MYH10: variants seen among roughly 807,000 people sequenced by gnomAD.
The protein encoded by MYH10 is myosin-10.
A neutral mutation model predicts 257.8 loss-of-function variants in MYH10; 55 were observed. The ratio of observed to expected loss-of-function variants is 0.21; its 90% confidence interval spans 0.17 to 0.27. The LOEUF (loss-of-function observed/expected upper bound fraction) is 0.27, where lower values mean the gene tolerates loss of function less well. Ranked by LOEUF, MYH10 falls within the 10% of genes least tolerant of loss-of-function variation. The pLI, the probability that MYH10 is intolerant of heterozygous loss-of-function variation, is 1.00. For synonymous variants in MYH10, 854 were observed against 921.7 expected (o/e 0.93, Z 1.33); for missense variants, 1,631 against 2,500.6 (o/e 0.65, Z 7.42).
intron 13 of MYH10, among the ~76,000 whole-genome samples, chr17:8,542,859 T>C (rs2082328476): frequency 6.6e-6 from 1 of 152,186 alleles, no homozygotes; most frequent in South Asian, 2.1e-4. Flanking sequence ...ATGCGCTTAG[T>C]ATGAGACTCT....
At chr17:8,614,777 C>G (rs771357529) in intron 2 of MYH10, among the ~76,000 whole-genome samples, 2 of 151,932 alleles carry the variant, frequency 1.3e-5, no homozygotes, top group Non-Finnish European at 2.9e-5. Context: ...TATAGAGGAC[C>G]AACAAAGTCA....
At position 8,499,445 on chromosome 17, in the gene MYH10, C is replaced by A; in HGVS notation, c.3776G>T (p.Gly1259Val). 6.2e-7 allele frequency: 1 copy of A among 1,614,120 alleles called. No individual in the cohort carries two copies. The highest frequency in any genetic ancestry group is 8.5e-7 in the Non-Finnish European group (1 of 1,180,026). Residue 1259 changes from glycine (G) to valine (V), a missense_variant, in exon 30 of 43, where the codon GGC becomes GTC. By Grantham distance (109) the Gly-to-Val change is moderately radical. This residue lies in a region of MYH10 where 463 missense variants were observed against 621.8 expected (regional missense o/e 0.74). Transcript: ENST00000360416. Reference sequence around the variant, plus strand: ...CAGCTCCTTGTTATCTGTCTCCAGGCCCTGCTTGTTCTTCTCTAGATTTGC... The same window carrying A: ...CAGCTCCTTGTTATCTGTCTCCAGGACCTGCTTGTTCTTCTCTAGATTTGC... ...FKANLEKNKQGLETDNKELAC... is the reference protein window; with the variant it reads ...FKANLEKNKQVLETDNKELAC...
intron 38 of MYH10, 24 bp downstream of exon 38, chr17:8,481,298 C>T: frequency 1.2e-6 from 2 of 1,611,382 alleles, no homozygotes; most frequent in South Asian, 1.1e-5. Flanking sequence ...GCGAAGAACC[C>T]ACCCCCGGCC....
chr17:8,611,264 G>C (rs571140183), intron 2 of MYH10, among the ~76,000 whole-genome samples: 1 of 152,160 alleles, frequency 6.6e-6, no homozygotes, highest in Non-Finnish European at 1.5e-5. Context: ...CTCCTGCATG[G>C]ACTACATGTC....
intron 6 of MYH10, among the ~76,000 whole-genome samples, chr17:8,571,744 CGA>C (rs2083350536): frequency 6.6e-6 from 1 of 151,774 alleles, no homozygotes; most frequent in Non-Finnish European, 1.5e-5. Flanking sequence ...GGAGAAAGAG[CGA>C]GAGACTCATC....
chr17:8,477,128 G>A lies in MYH10; in HGVS notation c.5707-80C>T. 1 of 1,520,570 alleles carries A rather than the reference G, an allele frequency of 6.6e-7. No homozygotes were observed. The highest frequency in any genetic ancestry group is 9.0e-7 in the Non-Finnish European group (1 of 1,111,516). The allele number at this position is 1,520,570 out of a possible 1,614,324, so 94.2% of individuals were successfully genotyped here. On this transcript the variant is annotated intron_variant, in intron 41 of 42. Transcript: ENST00000360416. This position sits in a 1 kb window ranked among gnomAD's most constrained non-coding sequence, Gnocchi z 4.2. ...CTCTCTGTACCCCGAGCGTGGCAGT[G>A]TGGGGCTCTGCCTGTTACCCTTGTG... is the stretch of plus-strand genomic sequence containing the variant.
At chr17:8,604,543 G>A (rs900154800) in intron 3 of MYH10, among the ~76,000 whole-genome samples, 3 of 151,982 alleles carry the variant, frequency 2.0e-5, no homozygotes, top group South Asian at 2.1e-4. Flanking sequence ...TGGTTAGACC[G>A]CCTTGTGGTG....
chr17:8,607,737 C>G (rs1453322881), intron 2 of MYH10, among the ~76,000 whole-genome samples: 2 of 152,176 alleles, frequency 1.3e-5, no homozygotes, highest in Non-Finnish European at 2.9e-5. Context: ...ACAGAAGATA[C>G]TAAGCTTCTT....
chr17:8,520,987 C>A lies in MYH10; in HGVS notation c.2164G>T (p.Asp722Tyr), dbSNP rs1360712620. 7 of 1,611,476 alleles carry A rather than the reference C, an allele frequency of 4.3e-6. No individual in the cohort carries two copies. Among genetic ancestry groups the A allele is most frequent in the Non-Finnish European group, 5.1e-6 (6 of 1,178,066 alleles). ...PNHEKRAGKL[D>Y]PHLVLDQLRC... The stretch of plus-strand genomic sequence containing the variant: ...AGCTGATCTAGGACTAGGTGTGGAT[C>A]CAATTTTCCAGCCTAATCAAGCAAA... Residue 722 changes from aspartate to tyrosine, a missense_variant, in exon 19 of 43, where the codon GAT (aspartate) becomes TAT (tyrosine). Coordinates refer to ENST00000360416, the MANE Select transcript of MYH10 (RefSeq NM_001256012.3).
chr17:8,546,569 A>G lies in MYH10; in HGVS notation c.1253T>C (p.Val418Ala). ...TPRIKVGRDYVQKAQTKEQAD... is the reference protein window; with the variant it reads ...TPRIKVGRDYAQKAQTKEQAD... ...CTGTTCTTTGGTCTGGGCTTTTTGCACATAGTCTCGGCCGACCTTGATCCG... is the reference window on the plus strand; with the variant it reads ...CTGTTCTTTGGTCTGGGCTTTTTGCGCATAGTCTCGGCCGACCTTGATCCG... The change falls in exon 12 of 43, where the codon GTG becomes GCG. Residue 418 changes from valine (V) to alanine (A), a missense_variant. Val to Ala is a moderately conservative substitution (Grantham distance 64). Coordinates refer to ENST00000360416, the MANE Select transcript of MYH10 (RefSeq NM_001256012.3). 2.5e-6 allele frequency: 4 copies of G among 1,614,060 alleles called. No homozygotes were observed. Among genetic ancestry groups the G allele is most frequent in the Non-Finnish European group, 3.4e-6 (4 of 1,179,972 alleles).
At position 8,492,227 on chromosome 17, in the gene MYH10, TCCTGTGTGAAGGCCCAGGCC is replaced by T. The variant is rs1166450254; in HGVS notation, c.4671+50_4671+69del. 41 of 1,476,636 alleles carry T rather than the reference TCCTGTGTGAAGGCCCAGGCC, an allele frequency of 2.8e-5. 1 individual carries two copies. The highest frequency in any genetic ancestry group is 3.6e-5 in the Non-Finnish European group (39 of 1,078,904). 91.5% of individuals were successfully genotyped at this position (1,476,636 alleles called of 1,614,324 possible). ...CAGGCTCCCCTGAGGAGTCGCCCGCTCCTGTGTGAAGGCCCAGGCCCCTGGGATACTCTCCCGTGCGGAAG... is the reference window on the plus strand; with the variant it reads ...CAGGCTCCCCTGAGGAGTCGCCCGCTCCTGGGATACTCTCCCGTGCGGAAG... On this transcript the variant is annotated intron_variant, in intron 34 of 42. Coordinates refer to ENST00000360416, the MANE Select transcript of MYH10 (RefSeq NM_001256012.3).
At position 8,580,874 on chromosome 17, in the gene MYH10, A is replaced by C. The variant is rs148840654; in HGVS notation, c.531-3536T>G. Among the ~76,000 whole-genome samples the C allele has an allele frequency of 7.6e-3, 1,160 of 152,316 alleles. 10 individuals are homozygous for C. The highest frequency in any genetic ancestry group is 0.043 in the South Asian group (208 of 4,820). On this transcript the variant is annotated intron_variant, in intron 4 of 42. Transcript: ENST00000360416. The stretch of plus-strand genomic sequence containing the variant: ...TAAATAAGAACAGATAAAGATTATT[A>C]GATTATAAGGATATAAGGAATGCTG...
At chr17:8,495,038 G>A in intron 31 of MYH10, 99 bp downstream of exon 31, 1 of 737,206 alleles carries the variant, frequency 1.4e-6, no homozygotes, top group Non-Finnish European at 2.4e-6. Flanking sequence ...ACTAGTAAGA[G>A]GTGACACAGA....
At chr17:8,587,401 C>A (rs1188196181) in intron 4 of MYH10, among the ~76,000 whole-genome samples, 1 of 152,166 alleles carries the variant, frequency 6.6e-6, no homozygotes, top group African/African-American at 2.4e-5. Flanking sequence ...AGCCGACTGA[C>A]TAACTCTCAT....
Position 8,493,930 on chromosome 17 carries a change from C to T in MYH10, c.4057-45G>A. 2.5e-6 allele frequency: 4 copies of T among 1,568,828 alleles called. No individual in the cohort carries two copies. In the South Asian group the frequency reaches 4.8e-5, roughly 19 times the overall value. ...GGCAACACTTCCATTACATTTATCACCAAAACAAATACACCTGTATTAAAG... is the reference window on the plus strand; with the variant it reads ...GGCAACACTTCCATTACATTTATCATCAAAACAAATACACCTGTATTAAAG... On this transcript the variant is annotated intron_variant, in intron 31 of 42. Coordinates refer to ENST00000360416, the MANE Select transcript of MYH10 (RefSeq NM_001256012.3).
intron 3 of MYH10, among the ~76,000 whole-genome samples, chr17:8,592,967 A>ATATATATATATATATATATATATATATG (rs1567953227): frequency 7.9e-6 from 1 of 127,262 alleles, no homozygotes; most frequent in Non-Finnish European, 1.7e-5. Flanking sequence ...ATATATATAT[A>ATATATATATATATATATATATATATATG]TATAAAAGAT....
rs1250154484 is a variant in MYH10, at chr17:8,490,855, A to G, written c.4672-303T>C. Among the ~76,000 whole-genome samples the G allele has an allele frequency of 1.3e-5, 2 of 152,220 alleles. No homozygotes were observed. Among genetic ancestry groups the G allele is most frequent in the African/African-American group, 4.8e-5 (2 of 41,458 alleles). ...CAGTGAGCCAAAGAACAAAGGAAAC[A>G]GCCATGTCAGGGAACCTGTCTGTTG... On this transcript the variant is annotated intron_variant, in intron 34 of 42. Coordinates refer to ENST00000360416, the MANE Select transcript of MYH10 (RefSeq NM_001256012.3). The surrounding 1 kb of genome is among the most constrained non-coding windows in gnomAD (Gnocchi z 4.1).
chr17:8,599,982 AG>A (rs1567963271), intron 3 of MYH10, among the ~76,000 whole-genome samples: 3 of 152,230 alleles, frequency 2.0e-5, no homozygotes, highest in African/African-American at 7.2e-5. Flanking sequence ...GGAGGGACCC[AG>A]AGATCTGGAG....
Position 8,492,848 on chromosome 17 carries a change from G to A in MYH10, c.4386C>T (p.Asp1462=). 1 of 1,614,076 alleles carries A rather than the reference G, an allele frequency of 6.2e-7. No homozygotes were observed. Among genetic ancestry groups the A allele is most frequent in the Non-Finnish European group, 8.5e-7 (1 of 1,180,016 alleles). Residue 1462 remains aspartate, a synonymous_variant, in exon 33 of 43, where the codon GAC becomes GAT. Coordinates refer to ENST00000360416, the MANE Select transcript of MYH10 (RefSeq NM_001256012.3). ...GCTGGTGGTCCAGGTCCACCGTGAG[G>A]TCGTCCAGCTCCTGCTGCAGGCGGT... ...TKNRLQQELD[D]LTVDLDHQRQ...
Sources: gnomAD v4.1 joint callset for allele counts (sites outside exome capture counted in the v4.1 genomes callset) on GRCh38, gnomAD v4.1.1 for gene constraint, gnomAD v4.1.1 regional missense constraint, Gnocchi (gnomAD v3.1) non-coding constraint, MANE v1.5 for transcripts, NCBI Gene and HGNC (gene_info 2026-07-23, HGNC 2026-07-21) for gene names.